The following RFX3 variants were observed in gnomAD, a reference collection of about 807,000 sequenced individuals.
RFX3 encodes regulatory factor X3, also known as transcription factor RFX3.
RFX3 carries 14 observed loss-of-function variants against 98.6 expected under a neutral mutation model. The ratio of observed to expected loss-of-function variants is 0.14; its 90% confidence interval spans 0.09 to 0.22. RFX3 has a LOEUF of 0.22. Among genes scored for constraint, RFX3 ranks in the 10% least tolerant of loss-of-function variants. RFX3 has a pLI of 1.00. For missense variants in RFX3, 639 were observed against 926.9 expected (o/e 0.69, Z 4.03); for synonymous variants, 383 against 328.4 (o/e 1.17, Z -1.80).
At chr9:3,290,501 G>A (rs1258277306) in intron 6 of RFX3, among the ~76,000 whole-genome samples, 1 of 152,002 alleles carries the variant, frequency 6.6e-6, no homozygotes, top group African/African-American at 2.4e-5. Context: ...ATATTGGCAC[G>A]GTATGCATAA....
chr9:3,420,968 A>C, intron 1 of RFX3: 2 of 962,326 alleles, frequency 2.1e-6, no homozygotes, highest in Non-Finnish European at 2.5e-6. Context: ...AACTAGCCTA[A>C]GGAGTAATGA....
intron 5 of RFX3, among the ~76,000 whole-genome samples, chr9:3,295,921 A>T (rs188659601): frequency 2.0e-5 from 3 of 152,214 alleles, no homozygotes; most frequent in Non-Finnish European, 4.4e-5. Flanking sequence ...AAATTAAAAA[A>T]ATTTTAATTA....
chr9:3,251,944 G>A (rs548987591), intron 14 of RFX3, among the ~76,000 whole-genome samples: 2 of 151,860 alleles, frequency 1.3e-5, no homozygotes, highest in Admixed American at 6.6e-5. Flanking sequence ...TGCCTCCCGG[G>A]TTCAAGCGAT....
In RFX3 at chr9:3,321,200, G is replaced by A. The variant is rs143091714; in HGVS notation, c.474+9059C>T. 6.1e-3 allele frequency among the ~76,000 whole-genome samples: 923 copies of A among 152,012 alleles called. 3 individuals are homozygous for A. The highest frequency in any genetic ancestry group is 9.8e-3 in the Non-Finnish European group (668 of 67,938). On this transcript the variant is annotated intron_variant, in intron 4 of 16. Coordinates refer to ENST00000617270, the MANE Select transcript of RFX3 (RefSeq NM_001282116.2). ...ATTACACACGTGAGCCACCGCCCCC[G>A]ACCCCAATCTTTTTCTATTACAAAT...
intron 15 of RFX3, among the ~76,000 whole-genome samples, chr9:3,236,719 C>T (rs933723856): frequency 2.6e-5 from 4 of 152,088 alleles, no homozygotes; most frequent in African/African-American, 9.7e-5. Flanking sequence ...TTCCTGCTGA[C>T]CTGGGAACAT....
intron 1 of RFX3, among the ~76,000 whole-genome samples, chr9:3,445,296 A>T (rs796418909): frequency 1.4e-5 from 2 of 145,574 alleles, no homozygotes; most frequent in South Asian, 4.2e-4. Context: ...TGCAATTCTA[A>T]GCAGTTAAGA....
chr9:3,382,485 A>G (rs1408232336), intron 2 of RFX3, among the ~76,000 whole-genome samples: 1 of 152,164 alleles, frequency 6.6e-6, no homozygotes, highest in Non-Finnish European at 1.5e-5. Flanking sequence ...CTACTAGGAT[A>G]TATATCCTAC....
At chr9:3,425,263 G>A (rs529024572) in intron 1 of RFX3, among the ~76,000 whole-genome samples, 84 of 152,292 alleles carry the variant, frequency 5.5e-4, no homozygotes, top group African/African-American at 1.9e-3. Flanking sequence ...ATTTGTTTTT[G>A]TTTAATGATT....
intron 1 of RFX3, among the ~76,000 whole-genome samples, chr9:3,455,550 G>C (rs1847075393): frequency 6.6e-6 from 1 of 152,158 alleles, no homozygotes; most frequent in South Asian, 2.1e-4. Context: ...GTAAAAAGGA[G>C]GTCAGTTTTT....
intron 1 of RFX3, among the ~76,000 whole-genome samples, chr9:3,427,424 C>T (rs970842371): frequency 7.8e-6 from 1 of 128,864 alleles, no homozygotes; most frequent in African/African-American, 3.1e-5. Flanking sequence ...TATAATAATA[C>T]AATATATAAA....
chr9:3,293,424 C>T (rs1311293478), intron 5 of RFX3, among the ~76,000 whole-genome samples, 166 bp from the exon 6 acceptor site: 1 of 152,132 alleles, frequency 6.6e-6, no homozygotes, highest in Non-Finnish European at 1.5e-5. Context: ...TTTGAAAACG[C>T]TCAGAAACAC....
chr9:3,314,928 G>C (rs1246882295), intron 4 of RFX3, among the ~76,000 whole-genome samples: 1 of 152,128 alleles, frequency 6.6e-6, no homozygotes, highest in Non-Finnish European at 1.5e-5. Context: ...AATAATGGGA[G>C]ACTTTAGCAC....
At position 3,224,855 on chromosome 9, in the gene RFX3, A is replaced by G; in HGVS notation, c.*187T>C. ...AAAATTCATTATTAAGAAGCAAATA[A>G]TTTGTTTACGTTAAAAAAAAAGATC... On this transcript the variant is annotated 3_prime_UTR_variant, in exon 17 of 17. Coordinates refer to ENST00000617270, the MANE Select transcript of RFX3 (RefSeq NM_001282116.2). 2.0e-6 allele frequency: 1 copy of G among 505,476 alleles called. No individual in the cohort carries two copies. The highest frequency in any genetic ancestry group is 3.4e-6 in the Non-Finnish European group (1 of 294,426). 31.3% of individuals were successfully genotyped at this position (505,476 alleles called of 1,614,324 possible).
intron 1 of RFX3, among the ~76,000 whole-genome samples, chr9:3,494,151 T>C (rs905296434): frequency 2.8e-4 from 43 of 152,128 alleles, no homozygotes; most frequent in African/African-American, 8.5e-4. Flanking sequence ...GAAGACACTA[T>C]AGAAAAAAAG....
chr9:3,367,366 T>C (rs894225245), intron 2 of RFX3, among the ~76,000 whole-genome samples: 1 of 152,176 alleles, frequency 6.6e-6, no homozygotes, highest in African/African-American at 2.4e-5. Context: ...TCTGCTATTC[T>C]GCCAGTAACT....
intron 2 of RFX3, among the ~76,000 whole-genome samples, chr9:3,348,926 G>T (rs937322208): frequency 5.9e-5 from 9 of 151,972 alleles, no homozygotes; most frequent in African/African-American, 2.2e-4. Flanking sequence ...TCAAGATCTG[G>T]AATCAGACAT....
chr9:3,280,028 CAG>C (rs1825728636), intron 7 of RFX3, among the ~76,000 whole-genome samples: 1 of 151,704 alleles, frequency 6.6e-6, no homozygotes, highest in East Asian at 1.9e-4. Context: ...AAGAAAAACA[CAG>C]AAAATATATC....
Position 3,342,075 on chromosome 9 carries a change from T to G in RFX3, c.215+4592A>C, listed in dbSNP as rs1318331971. Among the ~76,000 whole-genome samples the G allele has an allele frequency of 2.6e-5, 4 of 152,286 alleles. 1 individual carries two copies. The Middle Eastern group carries it at 0.01, about 388-fold the overall frequency. On this transcript the variant is annotated intron_variant, in intron 3 of 16. Transcript: ENST00000617270. Reference sequence around the variant, plus strand: ...GTGTATGGGAAAATAATTAGATGACTTCAAAAATGCATTAATACATGATTT... The same window carrying G: ...GTGTATGGGAAAATAATTAGATGACGTCAAAAATGCATTAATACATGATTT...
At chr9:3,272,567 C>G (rs1824638056) in intron 9 of RFX3, among the ~76,000 whole-genome samples, 2 of 152,134 alleles carry the variant, frequency 1.3e-5, no homozygotes, top group South Asian at 4.1e-4. Flanking sequence ...AAATAAAGGG[C>G]ATGTAGATGT....
Sources: gnomAD v4.1 joint callset for allele counts (sites outside exome capture counted in the v4.1 genomes callset) on GRCh38, gnomAD v4.1.1 for gene constraint, MANE v1.5 for transcripts, NCBI Gene and HGNC (gene_info 2026-07-23, HGNC 2026-07-21) for gene names.